Variants in MANSC4 observed in about 807,000 individuals in gnomAD.
The protein encoded by MANSC4 is MANSC domain containing 4.
MANSC4 carries 11 observed loss-of-function variants against 11.4 expected under a neutral mutation model. The ratio of observed to expected loss-of-function variants is 0.97; its 90% CI spans 0.61 to 1.60. The LOEUF is 1.60. Ranked by LOEUF, MANSC4 falls within the 40% of genes most tolerant of loss-of-function variation. The pLI is 0.00. For synonymous variants in MANSC4, 123 were observed against 147.1 expected, an observed-to-expected ratio of 0.84 and a Z score of 1.19; for missense variants, 354 against 404.6, an observed-to-expected ratio of 0.88 and a Z score of 1.07.
chr12:27,768,423 GAAAAAGAAAAAGA>G (rs2062084092), intron 2 of MANSC4, among the ~76,000 whole-genome samples: 3 of 82,240 alleles, frequency 3.6e-5, no homozygotes, highest in Admixed American at 2.2e-4. Flanking sequence ...AAAAAAAAAA[GAAAAAGAAAAAGA>G]AAAAGAAAAA....
chr12:27,769,936 TAATAA>T (rs1406320049), intron 2 of MANSC4, among the ~76,000 whole-genome samples: 2 of 152,204 alleles, frequency 1.3e-5, no homozygotes, highest in African/African-American at 4.8e-5. Flanking sequence ...AATCCTGCAA[TAATAA>T]AATAAACATT....
rs1479168790 is a variant in MANSC4, at chr12:27,771,383, A to C, written c.-107T>G. The C allele has an allele frequency of 1.1e-6, 1 of 950,446 alleles. No homozygotes were observed. The highest frequency in any genetic ancestry group is 1.5e-6 in the Non-Finnish European group (1 of 646,196). 58.9% of individuals were successfully genotyped at this position (950,446 alleles called of 1,614,324 possible). The stretch of plus-strand genomic sequence containing the variant: ...AACGTCAGAGGTGTTGTTAAGGGAG[A>C]GCTTCCTTGCAGCTTTTCTGGAGAG... On this transcript the variant is annotated 5_prime_UTR_variant, in exon 2 of 4. Transcript: ENST00000381273.
chr12:27,768,638 G>A (rs1296962524), intron 2 of MANSC4, among the ~76,000 whole-genome samples: 4 of 71,334 alleles, frequency 5.6e-5, no homozygotes, highest in Non-Finnish European at 9.9e-5. Flanking sequence ...AAAAGGTACC[G>A]ACTTTTTTTT....
chr12:27,769,909 A>C (rs1441232680), intron 2 of MANSC4, among the ~76,000 whole-genome samples: 2 of 152,256 alleles, frequency 1.3e-5, no homozygotes, highest in African/African-American at 4.8e-5. Flanking sequence ...AGAAGTCTTT[A>C]GGCAATTATA....
chr12:27,763,443 C>A, intron 3 of MANSC4, 47 bp from the exon 4 acceptor site: 2 of 1,481,440 alleles, frequency 1.4e-6, no homozygotes, highest in Non-Finnish European at 1.8e-6. Flanking sequence ...ACTTTCAAAG[C>A]AAAAACCCTA....
intron 1 of MANSC4, among the ~76,000 whole-genome samples, chr12:27,779,433 G>A (rs1440525445): frequency 6.6e-6 from 1 of 152,166 alleles, no homozygotes; most frequent in Admixed American, 6.5e-5. Flanking sequence ...AACTTAGGGA[G>A]AATAAGGGGC....
At chr12:27,775,435 C>T (rs1016632907) in intron 1 of MANSC4, among the ~76,000 whole-genome samples, 6 of 152,050 alleles carry the variant, frequency 3.9e-5, no homozygotes, top group Admixed American at 1.3e-4. Context: ...AAAAATTAGC[C>T]GGTTGAGGTG....
chr12:27,775,233 T>C (rs1215280130), intron 1 of MANSC4, among the ~76,000 whole-genome samples: 4 of 152,052 alleles, frequency 2.6e-5, no homozygotes. Flanking sequence ...TCACCATGAG[T>C]AACTCCATTT....
chr12:27,776,881 A>G (rs2062121513), intron 1 of MANSC4, among the ~76,000 whole-genome samples: 1 of 152,250 alleles, frequency 6.6e-6, no homozygotes, highest in African/African-American at 2.4e-5. Context: ...TAACAGATCT[A>G]TAAAATTATA....
chr12:27,768,621 A>T (rs969238952), intron 2 of MANSC4, among the ~76,000 whole-genome samples: 1 of 144,186 alleles, frequency 6.9e-6, no homozygotes, highest in African/African-American at 2.6e-5. Flanking sequence ...TGAAATATCC[A>T]TTGGCCAAAA....
chr12:27,780,165 A>C lies in MANSC4; in HGVS notation c.-307+45T>G. ...CCGCCTCGCGGGAGCGGGCCCCGGGAGGAGGGGCCGCCGGAGAGGCCGGGC... is the reference window on the plus strand; with the variant it reads ...CCGCCTCGCGGGAGCGGGCCCCGGGCGGAGGGGCCGCCGGAGAGGCCGGGC... On this transcript the variant is annotated intron_variant, in intron 1 of 3. Transcript: ENST00000381273. The surrounding 1 kb of genome is among the most constrained non-coding windows in gnomAD (Gnocchi z 8.8). 3.2e-6 allele frequency: 1 copy of C among 310,060 alleles called. No homozygotes were observed. The highest frequency in any genetic ancestry group is 5.3e-6 in the Non-Finnish European group (1 of 187,428). 19.2% of individuals were successfully genotyped at this position (310,060 alleles called of 1,614,324 possible).
At chr12:27,778,721 C>T (rs2062129504) in intron 1 of MANSC4, among the ~76,000 whole-genome samples, 3 of 152,176 alleles carry the variant, frequency 2.0e-5, no homozygotes, top group Admixed American at 6.5e-5. Flanking sequence ...ATCCTTCTCC[C>T]TTCTCCTACC....
rs2062051926 is a variant in MANSC4 at position 27,762,650 on chromosome 12, C to CAAT, written c.*87_*88insATT. On this transcript the variant is annotated 3_prime_UTR_variant, in exon 4 of 4. Coordinates refer to ENST00000381273, the MANE Select transcript of MANSC4 (RefSeq NM_001146221.5). ...ACAGGCATGAACCACCACGCCCAGC[C>CAAT]TATTTTTTTTTTTTAACCAAACTGC... 1 of 1,111,546 alleles carries CAAT rather than the reference C, an allele frequency of 9.0e-7. No homozygotes were observed. The highest frequency in any genetic ancestry group is 1.2e-6 in the Non-Finnish European group (1 of 805,766). 68.9% of individuals were successfully genotyped at this position (1,111,546 alleles called of 1,614,324 possible).
intron 2 of MANSC4, among the ~76,000 whole-genome samples, chr12:27,770,057 G>A (rs57060857): frequency 0.029 from 4,423 of 152,256 alleles, 189 homozygotes; most frequent in African/African-American, 0.1. Flanking sequence ...ATTTTGGGGC[G>A]GGTATTTGAC....
Position 27,762,944 on chromosome 12 carries a change from C to T in MANSC4, c.817G>A (p.Ala273Thr). 1 of 1,551,944 alleles carries T rather than the reference C, an allele frequency of 6.4e-7. No individual in the cohort carries two copies. Among genetic ancestry groups the T allele is most frequent in the East Asian group, 2.4e-5 (1 of 40,918 alleles). ...GTCACAGATACCTCATCTTCATTTG[C>T]AGATGTGTGGTTTCTGCTATTGTAT... ...KGYNSRNHTS[A>T]NEDEVSVTSK... Residue 273 changes from alanine (A) to threonine (T), a missense_variant, in exon 4 of 4, where the codon GCA becomes ACA. Coordinates refer to ENST00000381273, the MANE Select transcript of MANSC4 (RefSeq NM_001146221.5).
chr12:27,763,743 T>G (rs1023843256), intron 3 of MANSC4, among the ~76,000 whole-genome samples: 23 of 152,198 alleles, frequency 1.5e-4, no homozygotes, highest in African/African-American at 5.5e-4. Flanking sequence ...TATTTATTTA[T>G]TTTTTGAGAC....
chr12:27,763,875 T>C lies in MANSC4; in HGVS notation c.365-479A>G, dbSNP rs538909930. ...TCTCCTGAGTAGCTGGGATTACAGG[T>C]GTGCGCCACCACGCCCAGCTAATTT... On this transcript the variant is annotated intron_variant, in intron 3 of 3. Coordinates refer to ENST00000381273, the MANE Select transcript of MANSC4 (RefSeq NM_001146221.5). 4.6e-5 allele frequency among the ~76,000 whole-genome samples: 7 copies of C among 152,098 alleles called. No homozygotes were observed. In the East Asian group the frequency reaches 1.4e-3, roughly 29 times the overall value.
chr12:27,771,262 C>T lies in MANSC4; in HGVS notation c.15G>A (p.Glu5=). The T allele has an allele frequency of 1.9e-6, 3 of 1,550,404 alleles. No homozygotes were observed. The highest frequency in any genetic ancestry group is 2.6e-6 in the Non-Finnish European group (3 of 1,146,986). The part of the protein sequence containing the change: MHVA[E]VAVNVILLLS... ...GGAGCAATATCACGTTCACTGCTAC[C>T]TCTGCCACATGCATTTTTCCTGTAT... The change falls in exon 2 of 4, where the codon GAG becomes GAA. Residue 5 remains glutamate, a synonymous_variant. Coordinates refer to ENST00000381273, the MANE Select transcript of MANSC4 (RefSeq NM_001146221.5).
chr12:27,770,761 G>C (rs940393080), intron 2 of MANSC4, among the ~76,000 whole-genome samples: 1 of 151,982 alleles, frequency 6.6e-6, no homozygotes, highest in African/African-American at 2.4e-5. Flanking sequence ...TTAACCTTAG[G>C]GGAAATACTT....
Sources: gnomAD v4.1 joint callset for allele counts (sites outside exome capture counted in the v4.1 genomes callset) on GRCh38, gnomAD v4.1.1 for gene constraint, Gnocchi (gnomAD v3.1) non-coding constraint, MANE v1.5 for transcripts, NCBI Gene and HGNC (gene_info 2026-07-23, HGNC 2026-07-21) for gene names.